Variants in MAST2 observed in about 807,000 individuals in gnomAD.
MAST2 encodes the protein microtubule-associated serine/threonine-protein kinase 2.
Under a neutral mutation model 147.4 loss-of-function variants are expected in MAST2, and 70 were observed. The ratio of observed to expected loss-of-function variants is 0.47; its 90% CI spans 0.39 to 0.58. The LOEUF is 0.58. MAST2 is among the 20% of genes least tolerant of loss of function. MAST2 has a pLI of 0.00. For missense variants in MAST2, 2,080 were observed against 2,302.3 expected (o/e 0.90, Z 1.98); for synonymous variants, 869 against 896.8 (o/e 0.97, Z 0.55).
intron 5 of MAST2, among the ~76,000 whole-genome samples, chr1:45,980,367 A>G (rs917069380): frequency 3.3e-5 from 5 of 151,938 alleles, no homozygotes; most frequent in Admixed American, 3.3e-4. Flanking sequence ...TTCTGTGCTC[A>G]CTACATGATT....
intron 7 of MAST2, among the ~76,000 whole-genome samples, chr1:46,004,900 C>T (rs1426605097): frequency 1.3e-5 from 2 of 152,134 alleles, no homozygotes; most frequent in African/African-American, 2.4e-5. Flanking sequence ...CAGCAAGACC[C>T]TGTCACTTAA....
intron 5 of MAST2, among the ~76,000 whole-genome samples, chr1:45,985,080 G>A (rs1411077021): frequency 2.6e-5 from 4 of 151,662 alleles, no homozygotes; most frequent in Non-Finnish European, 5.9e-5. Flanking sequence ...TTTTTGAGAC[G>A]GAGTTTCACT....
intron 5 of MAST2, among the ~76,000 whole-genome samples, chr1:45,974,536 G>A (rs1471758639): frequency 6.6e-6 from 1 of 152,206 alleles, no homozygotes; most frequent in Non-Finnish European, 1.5e-5. Context: ...GTTCGAGGCT[G>A]CAGTGAGCTG....
intron 4 of MAST2, among the ~76,000 whole-genome samples, chr1:45,952,570 G>T (rs756864426): frequency 1.7e-4 from 26 of 152,206 alleles, no homozygotes; most frequent in Admixed American, 5.2e-4. Context: ...TTAAAATAAA[G>T]CAACCAGACA....
chr1:45,947,927 A>G (rs975412716), intron 4 of MAST2, among the ~76,000 whole-genome samples: 8 of 152,210 alleles, frequency 5.3e-5, no homozygotes, highest in African/African-American at 1.7e-4. Context: ...CATGTTAGCC[A>G]GGATGGTCTT....
At chr1:46,011,316 C>A (rs971951128) in intron 10 of MAST2, among the ~76,000 whole-genome samples, 1 of 152,174 alleles carries the variant, frequency 6.6e-6, no homozygotes, top group Non-Finnish European at 1.5e-5. Flanking sequence ...TTAAGCAGAG[C>A]CTTCAGACTA....
chr1:45,869,253 CA>C (rs1192855897), intron 3 of MAST2, among the ~76,000 whole-genome samples: 1 of 152,144 alleles, frequency 6.6e-6, no homozygotes, highest in Non-Finnish European at 1.5e-5. Flanking sequence ...TCTTTGTAGA[CA>C]AGGATAATCA....
At chr1:45,905,501 G>T (rs548566814) in intron 4 of MAST2, among the ~76,000 whole-genome samples, 1 of 152,280 alleles carries the variant, frequency 6.6e-6, no homozygotes, top group African/African-American at 2.4e-5. Flanking sequence ...AGAGCCGGCT[G>T]TGCGCGGTGG....
chr1:45,996,750 T>G (rs1214445474), intron 5 of MAST2, among the ~76,000 whole-genome samples: 1 of 152,160 alleles, frequency 6.6e-6, no homozygotes, highest in African/African-American at 2.4e-5. Context: ...AAGTGCTATA[T>G]AAGCCCTATT....
rs373015666 is a variant in MAST2 at position 46,025,747 on chromosome 1, G to A, written c.1851G>A (p.Ala617=). 3.6e-5 allele frequency: 58 copies of A among 1,614,030 alleles called. No homozygotes were observed. The highest frequency in any genetic ancestry group is 1.6e-4 in the Middle Eastern group (1 of 6,084). Residue 617 remains alanine (A), a synonymous_variant, in exon 16 of 29, where the codon GCG becomes GCA. Transcript: ENST00000361297. ...TGGACATGGTGCGTCTATACTTTGC[G>A]GAAACTGTGCTGGCCCTGGAGTACT... ...LPVDMVRLYF[A]ETVLALEYLH... is the part of the protein sequence containing the mutation.
At chr1:45,888,673 T>TTC (rs1647210308) in intron 4 of MAST2, among the ~76,000 whole-genome samples, 1 of 30,158 alleles carries the variant, frequency 3.3e-5, no homozygotes, top group Non-Finnish European at 5.9e-5. Flanking sequence ...CTTTTTTTTT[T>TTC]TTTTTTTTTT....
intron 1 of MAST2, among the ~76,000 whole-genome samples, chr1:45,812,140 G>A (rs1038527558): frequency 7.9e-5 from 12 of 152,158 alleles, no homozygotes; most frequent in African/African-American, 2.7e-4. Flanking sequence ...TAGGATGCAG[G>A]ACATGCTGTT....
At chr1:46,033,997 G>A in intron 27 of MAST2, 59 bp downstream of exon 27, 2 of 1,607,710 alleles carry the variant, frequency 1.2e-6, no homozygotes, top group South Asian at 1.1e-5. Context: ...GGTACGTGGT[G>A]GGTGCCTTGG....
intron 4 of MAST2, among the ~76,000 whole-genome samples, chr1:45,887,268 A>C (rs552972591): frequency 6.6e-6 from 1 of 152,208 alleles, no homozygotes; most frequent in Admixed American, 6.5e-5. Context: ...AATTTTCCTC[A>C]TATTTCATGA....
Position 45,858,651 on chromosome 1 carries a change from C to A in MAST2, c.469-23713C>A, listed in dbSNP as rs894651042. Among the ~76,000 whole-genome samples the A allele has an allele frequency of 3.2e-4, 46 of 145,728 alleles. 1 individual carries two copies. Among genetic ancestry groups the A allele is most frequent in the African/African-American group, 1.0e-3 (41 of 39,256 alleles). On this transcript the variant is annotated intron_variant, in intron 3 of 28. Transcript: ENST00000361297. The stretch of plus-strand genomic sequence containing the variant: ...CATTTGTCAATTTTGGGTTTTGTTG[C>A]CATTGCTTTTGGTGTTTTAGACATG...
intron 5 of MAST2, among the ~76,000 whole-genome samples, chr1:45,987,126 C>T (rs1423507627): frequency 6.6e-6 from 1 of 152,178 alleles, no homozygotes; most frequent in Non-Finnish European, 1.5e-5. Context: ...TCAGTCTCCT[C>T]TAAGTTGTCA....
chr1:45,898,596 A>G (rs1372693922), intron 4 of MAST2, among the ~76,000 whole-genome samples: 1 of 152,140 alleles, frequency 6.6e-6, no homozygotes, highest in African/African-American at 2.4e-5. Flanking sequence ...GTCAGTGTCT[A>G]TTCCTGTCAA....
At chr1:45,836,952 A>G (rs977995974) in intron 3 of MAST2, among the ~76,000 whole-genome samples, 36 of 152,290 alleles carry the variant, frequency 2.4e-4, no homozygotes, top group African/African-American at 8.4e-4. Context: ...ATCATCAGGC[A>G]TTAGCTAGAT....
intron 4 of MAST2, among the ~76,000 whole-genome samples, chr1:45,911,882 ATTATTATTATT>A (rs1243792937): frequency 2.0e-5 from 3 of 146,578 alleles, no homozygotes; most frequent in East Asian, 2.0e-4. Context: ...TATTATTATT[ATTATTATTATT>A]ATTATTATGT....
Sources: allele counts gnomAD v4.1 joint callset (sites outside exome capture counted in the v4.1 genomes callset), GRCh38; gene constraint gnomAD v4.1.1; transcripts MANE v1.5; gene names NCBI Gene and HGNC (gene_info 2026-07-23, HGNC 2026-07-21).